Variants in MAP3K21 observed in about 807,000 individuals in gnomAD.
MAP3K21 encodes mitogen-activated protein kinase kinase kinase 21, also known as mitogen-activated protein kinase kinase kinase MLK4.
MAP3K21 carries 63 observed loss-of-function variants against 86.1 expected under a neutral mutation model. The ratio of observed to expected loss-of-function variants is 0.73; its 90% confidence interval spans 0.60 to 0.90. MAP3K21 has a LOEUF of 0.90. MAP3K21 is among the 40% of genes least tolerant of loss of function. MAP3K21 has a pLI of 0.00. For synonymous variants in MAP3K21, 558 were observed against 564.8 expected, an observed-to-expected ratio of 0.99 and a Z score of 0.17; for missense variants, 1,220 against 1,367.7, an observed-to-expected ratio of 0.89 and a Z score of 1.70.
chr1:233,330,552 G>A (rs1336501440), intron 1 of MAP3K21, among the ~76,000 whole-genome samples: 1 of 152,196 alleles, frequency 6.6e-6, no homozygotes, highest in African/African-American at 2.4e-5. Context: ...GCCTGCGTCT[G>A]TTAGGAGTTT....
At chr1:233,329,843 G>T (rs1052009580) in intron 1 of MAP3K21, among the ~76,000 whole-genome samples, 3 of 152,250 alleles carry the variant, frequency 2.0e-5, no homozygotes, top group Middle Eastern at 3.4e-3. Flanking sequence ...TATAAATCAG[G>T]GTGGATTTTC....
chr1:233,371,425 A>G (rs2102763994), intron 5 of MAP3K21, among the ~76,000 whole-genome samples: 1 of 152,310 alleles, frequency 6.6e-6, no homozygotes, highest in African/African-American at 2.4e-5. Flanking sequence ...CAGTGGCACA[A>G]TCTCAGCTCA....
chr1:233,353,995 A>G, intron 3 of MAP3K21, 40 bp downstream of exon 3: 1 of 1,404,120 alleles, frequency 7.1e-7, no homozygotes, highest in South Asian at 1.8e-5. Context: ...GGGGGCAAGA[A>G]TTTCTCATTA....
At position 233,379,508 on chromosome 1, in the gene MAP3K21, C is replaced by T. The variant is rs534715976; in HGVS notation, c.2502C>T (p.Leu834=). The part of the protein sequence containing the change: ...SAPVTCDSEM[L]TPDFCPTAPG... ...CTGTCACTTGTGACTCTGAGATGCT[C>T]ACTCCGGATTTTTGTCCCACTGCCC... Residue 834 remains leucine, a synonymous_variant, in exon 9 of 10, where the codon CTC becomes CTT. Coordinates refer to ENST00000366624, the MANE Select transcript of MAP3K21 (RefSeq NM_032435.3). 1.9e-6 allele frequency: 3 copies of T among 1,614,198 alleles called. No homozygotes were observed. Among genetic ancestry groups the T allele is most frequent in the East Asian group, 4.5e-5 (2 of 44,868 alleles).
intron 8 of MAP3K21, 76 bp from the exon 9 acceptor site, chr1:233,378,855 T>A: frequency 9.4e-7 from 1 of 1,060,824 alleles, no homozygotes; most frequent in Non-Finnish European, 1.4e-6. Context: ...ATATTTTAGC[T>A]TTATTTTACA....
chr1:233,336,127 C>A (rs1662906881), intron 1 of MAP3K21, among the ~76,000 whole-genome samples: 1 of 152,154 alleles, frequency 6.6e-6, no homozygotes, highest in African/African-American at 2.4e-5. Flanking sequence ...CATGTTCTGC[C>A]TCATTTTTGG....
intron 4 of MAP3K21, among the ~76,000 whole-genome samples, chr1:233,359,832 A>T (rs2102757530): frequency 6.6e-6 from 1 of 152,334 alleles, no homozygotes; most frequent in South Asian, 2.1e-4. Context: ...TGAAGTATTC[A>T]AAGGGTTCTA....
rs879311380 is a variant in MAP3K21 at position 233,334,029 on chromosome 1, AT to A, written c.805+5205del. Reference sequence around the variant, plus strand: ...AGGCGCCCGCCACCACGCCCAGCTAATTTTTTTTTGTATTTTTAGTAGAGAT... The same window carrying A: ...AGGCGCCCGCCACCACGCCCAGCTAATTTTTTTTGTATTTTTAGTAGAGAT... On this transcript the variant is annotated intron_variant, in intron 1 of 9. Coordinates refer to ENST00000366624, the MANE Select transcript of MAP3K21 (RefSeq NM_032435.3). Among the ~76,000 whole-genome samples, 469 of 151,178 alleles carry A rather than the reference AT, an allele frequency of 3.1e-3. 4 individuals carry two copies. Among genetic ancestry groups the A allele is most frequent in the Admixed American group, 0.017 (254 of 15,196 alleles).
At chr1:233,339,306 C>G (rs146339631) in intron 1 of MAP3K21, among the ~76,000 whole-genome samples, 1,754 of 90,582 alleles carry the variant, frequency 0.019, 189 homozygotes, top group East Asian at 0.028. Context: ...TCTTCTTCCT[C>G]TTCTTCTTCC....
rs556191348 is a variant in MAP3K21, at chr1:233,364,883, C to G, written c.1552+2590C>G. On this transcript the variant is annotated intron_variant, in intron 5 of 9. Coordinates refer to ENST00000366624, the MANE Select transcript of MAP3K21 (RefSeq NM_032435.3). Reference sequence around the variant, plus strand: ...ATTTTTAGCATGACAGTTACCTCTTCTGCCCACAAGATGGCACTACATTAT... The same window carrying G: ...ATTTTTAGCATGACAGTTACCTCTTGTGCCCACAAGATGGCACTACATTAT... Among the ~76,000 whole-genome samples, 6 of 152,280 alleles carry G rather than the reference C, an allele frequency of 3.9e-5. No individual in the cohort carries two copies. In the East Asian group the frequency reaches 1.2e-3, roughly 29 times the overall value.
intron 1 of MAP3K21, among the ~76,000 whole-genome samples, chr1:233,341,742 A>G (rs957320080): frequency 1.3e-5 from 2 of 152,108 alleles, no homozygotes; most frequent in Non-Finnish European, 2.9e-5. Flanking sequence ...CTGGGTGTGG[A>G]TAAGGAGGCA....
intron 1 of MAP3K21, among the ~76,000 whole-genome samples, chr1:233,336,402 G>C (rs985019127): frequency 6.6e-6 from 1 of 152,006 alleles, no homozygotes; most frequent in African/African-American, 2.4e-5. Flanking sequence ...TTAGCCGGAC[G>C]TGGTGGTGGG....
rs1183848176 is a variant in MAP3K21 at position 233,362,223 on chromosome 1, G to C, written c.1482G>C (p.Lys494Asn). The change falls in exon 5 of 10, where the codon AAG (lysine) becomes AAC (asparagine). Residue 494 changes from lysine to asparagine, a missense_variant. Coordinates refer to ENST00000366624, the MANE Select transcript of MAP3K21 (RefSeq NM_032435.3). ...FQLNQEKPKV[K>N]KRKGKFKRSR... ...TAAACCAGGAGAAGCCCAAGGTAAA[G>C]AAGAGGAAGGGCAAGTTTAAGAGAA... The C allele has an allele frequency of 6.2e-7, 1 of 1,614,252 alleles. No individual in the cohort carries two copies.
intron 2 of MAP3K21, among the ~76,000 whole-genome samples, chr1:233,349,727 G>A (rs1468866630): frequency 2.6e-5 from 4 of 152,114 alleles, no homozygotes; most frequent in South Asian, 2.1e-4. Flanking sequence ...TCACAAGGTC[G>A]AGAGATCGAG....
intron 2 of MAP3K21, among the ~76,000 whole-genome samples, chr1:233,352,252 A>G (rs934329347): frequency 6.6e-6 from 1 of 152,182 alleles, no homozygotes; most frequent in Non-Finnish European, 1.5e-5. Flanking sequence ...TCCAATACAT[A>G]CAATGTGTGG....
At position 233,385,063 on chromosome 1, in the gene MAP3K21, T is replaced by C. The variant is rs1028248260; in HGVS notation, c.*2352T>C. 2.0e-5 allele frequency: 3 copies of C among 152,372 alleles called. No homozygotes were observed. Among genetic ancestry groups the C allele is most frequent in the African/African-American group, 7.2e-5 (3 of 41,592 alleles). 9.4% of individuals were successfully genotyped at this position (152,372 alleles called of 1,614,324 possible). A position where few individuals can be genotyped will look rare whatever the true frequency, so the allele number is the denominator to read the frequency against. ...TAAGGCCTGGGCCTAATGTGCTGTATTATGAAGCCTTGTGACTGAAAAATA... is the reference window on the plus strand; with the variant it reads ...TAAGGCCTGGGCCTAATGTGCTGTACTATGAAGCCTTGTGACTGAAAAATA... On this transcript the variant is annotated 3_prime_UTR_variant, in exon 10 of 10. Transcript: ENST00000366624.
intron 4 of MAP3K21, among the ~76,000 whole-genome samples, chr1:233,361,269 A>C (rs1424206052): frequency 6.6e-6 from 1 of 152,258 alleles, no homozygotes; most frequent in African/African-American, 2.4e-5. Flanking sequence ...CAGTACTTCA[A>C]AAACCAAAAC....
At chr1:233,380,987 G>C in intron 9 of MAP3K21, among the ~76,000 whole-genome samples, 1 of 152,194 alleles carries the variant, frequency 6.6e-6, no homozygotes, top group East Asian at 1.9e-4. Context: ...CTGGGGTTAA[G>C]TGGCACTGAA....
At chr1:233,333,894 C>T (rs1314616613) in intron 1 of MAP3K21, among the ~76,000 whole-genome samples, 1 of 152,156 alleles carries the variant, frequency 6.6e-6, no homozygotes, top group African/African-American at 2.4e-5. Context: ...GACGGAGTCT[C>T]GCTCTGTCCC....
Sources: gnomAD v4.1 joint callset for allele counts (sites outside exome capture counted in the v4.1 genomes callset) on GRCh38, gnomAD v4.1.1 for gene constraint, MANE v1.5 for transcripts, NCBI Gene and HGNC (gene_info 2026-07-23, HGNC 2026-07-21) for gene names.